SLC61A1: variants seen among roughly 807,000 people sequenced by gnomAD.
SLC61A1 encodes major facilitator superfamily domain containing 5.
At chr12:53,251,653 A>T in the SLC61A1 span, 6 of 1,404,376 alleles carry the variant, frequency 4.3e-6, no homozygotes, top group Non-Finnish European at 5.7e-6. Context: ...ACTGCGCCTT[A>T]GTCTGTCTGC....
At chr12:53,251,402 T>G in the SLC61A1 span, 1 of 280,168 alleles carries the variant, frequency 3.6e-6, no homozygotes, top group Non-Finnish European at 6.8e-6. Context: ...CATTGGAGGC[T>G]CTTGAGGAGA....
chr12:53,251,907 GC>G, the SLC61A1 span: 33 of 1,537,184 alleles, frequency 2.1e-5, 1 homozygote, highest in Non-Finnish European at 2.4e-5. Context: ...GGCCCCTCAG[GC>G]ATCCAAGAGC....
At chr12:53,253,901 T>G in the SLC61A1 span, 183 of 1,614,064 alleles carry the variant, frequency 1.1e-4, no homozygotes, top group Non-Finnish European at 1.0e-4. Flanking sequence ...GGCTTGTGGA[T>G]TATACTTTCC....
chr12:53,254,060 T>G, the SLC61A1 span: 12 of 1,614,226 alleles, frequency 7.4e-6, no homozygotes, highest in Non-Finnish European at 1.0e-5. Context: ...TCGGAATATG[T>G]TCAGCATTTG....
chr12:53,253,034 T>C, the SLC61A1 span: 1 of 1,614,186 alleles, frequency 6.2e-7, no homozygotes, highest in Admixed American at 1.7e-5. Context: ...CTATAAACTC[T>C]ACCAGCATTA....
the SLC61A1 span, chr12:53,254,324 T>TG: frequency 2.8e-6 from 3 of 1,071,870 alleles, no homozygotes; most frequent in African/African-American, 3.2e-5. Context: ...GAGGACATGA[T>TG]GGGGGTGATG....
chr12:53,251,993 C>G, the SLC61A1 span: 1 of 1,536,286 alleles, frequency 6.5e-7, no homozygotes, highest in Non-Finnish European at 8.7e-7. Flanking sequence ...CCTATGGTCG[C>G]CCCTTCCCGA....
the SLC61A1 span, chr12:53,252,468 G>T: frequency 1.2e-5 from 15 of 1,296,266 alleles, no homozygotes; most frequent in Non-Finnish European, 1.5e-5. Context: ...AAGAGGCTCC[G>T]CAGCGAGGAC....
the SLC61A1 span, chr12:53,252,388 T>C: frequency 7.7e-7 from 1 of 1,306,810 alleles, no homozygotes; most frequent in South Asian, 1.9e-5. Context: ...CGCATGACCC[T>C]GAAGCAACTC....
chr12:53,252,459 A>G, the SLC61A1 span: 1 of 1,288,460 alleles, frequency 7.8e-7, no homozygotes. Flanking sequence ...GAGGGCAAAA[A>G]GAGGCTCCGC....
chr12:53,251,861 C>T, the SLC61A1 span: 394 of 1,537,304 alleles, frequency 2.6e-4, 4 homozygotes, highest in East Asian at 8.8e-3. Context: ...CCGAGCACTG[C>T]ACGGAAGAAA....
At chr12:53,252,657 G>C in the SLC61A1 span, among the ~76,000 whole-genome samples, 5 of 152,110 alleles carry the variant, frequency 3.3e-5, no homozygotes, top group African/African-American at 1.2e-4. Flanking sequence ...CAGCTTTGGC[G>C]TGGCCACTCC....
the SLC61A1 span, chr12:53,253,884 T>C: frequency 6.2e-7 from 1 of 1,614,214 alleles, no homozygotes; most frequent in South Asian, 1.1e-5. Context: ...TTTCTACTTA[T>C]TGAGTTGGCT....
the SLC61A1 span, chr12:53,252,266 C>G: frequency 7.1e-7 from 1 of 1,398,700 alleles, no homozygotes; most frequent in Non-Finnish European, 9.2e-7. Flanking sequence ...ACCGGGGCAG[C>G]AGGTGAGGCG....
At chr12:53,252,265 G>A in the SLC61A1 span, 2 of 1,400,730 alleles carry the variant, frequency 1.4e-6, no homozygotes, top group Non-Finnish European at 1.8e-6. Context: ...GACCGGGGCA[G>A]CAGGTGAGGC....
chr12:53,251,821 C>T, the SLC61A1 span: 5 of 1,537,176 alleles, frequency 3.3e-6, no homozygotes, highest in African/African-American at 1.4e-5. Flanking sequence ...AGCTCCAACC[C>T]TTGGCTCTAC....
chr12:53,252,328 G>A, the SLC61A1 span: 2 of 1,362,012 alleles, frequency 1.5e-6, no homozygotes, highest in South Asian at 1.8e-5. Context: ...GGGGCTAGGG[G>A]GCGCAGTGGG....
At chr12:53,252,672 A>C in the SLC61A1 span, 1 of 1,196,702 alleles carries the variant, frequency 8.4e-7, no homozygotes, top group Non-Finnish European at 1.1e-6. Flanking sequence ...CACTCCTCCC[A>C]CCCACCCAAC....
chr12:53,251,937 G>A, the SLC61A1 span: 3 of 1,537,208 alleles, frequency 2.0e-6, no homozygotes, highest in Non-Finnish European at 2.6e-6. Flanking sequence ...CAGGTGTCAC[G>A]GGATGGCAGC....
Sources: gnomAD v4.1 joint callset for allele counts (sites outside exome capture counted in the v4.1 genomes callset) on GRCh38, gnomAD v4.1.1 for gene constraint, MANE v1.5 for transcripts, NCBI Gene and HGNC (gene_info 2026-07-23, HGNC 2026-07-21) for gene names.